Variants in PALS1 observed in about 807,000 individuals in gnomAD.
The protein encoded by PALS1 is protein PALS1.
Under a neutral mutation model 78.9 loss-of-function variants are expected in PALS1, and 31 were observed. That is an observed-to-expected ratio of 0.39 (90% CI 0.30 to 0.53). The LOEUF (loss-of-function observed/expected upper bound fraction) is 0.53, where lower values mean the gene tolerates loss of function less well. PALS1 is among the 20% of genes least tolerant of loss of function. PALS1 has a pLI of 0.67. For synonymous variants in PALS1, 276 were observed against 270.9 expected, an observed-to-expected ratio of 1.02 and a Z score of -0.18; for missense variants, 704 against 826.5, an observed-to-expected ratio of 0.85 and a Z score of 1.82.
At chr14:67,315,385 TTC>T (rs1315481988) in intron 9 of PALS1, among the ~76,000 whole-genome samples, 1 of 150,974 alleles carries the variant, frequency 6.6e-6, no homozygotes, top group Non-Finnish European at 1.5e-5. Flanking sequence ...CATGCCCTTC[TTC>T]TCTCTCAGTC....
At chr14:67,296,303 A>G (rs2084847497) in intron 4 of PALS1, among the ~76,000 whole-genome samples, 2 of 152,140 alleles carry the variant, frequency 1.3e-5, no homozygotes. Flanking sequence ...CTTAATGTTA[A>G]AAGATGGTGT....
chr14:67,245,691 C>T (rs1041546434), intron 1 of PALS1, among the ~76,000 whole-genome samples: 4 of 152,010 alleles, frequency 2.6e-5, no homozygotes, highest in South Asian at 2.1e-4. Flanking sequence ...AAGTGATTTA[C>T]GAAGGTTTTC....
intron 1 of PALS1, among the ~76,000 whole-genome samples, chr14:67,260,631 A>G (rs1448217392): frequency 6.6e-6 from 1 of 152,210 alleles, no homozygotes; most frequent in Non-Finnish European, 1.5e-5. Flanking sequence ...GAAAATCTTA[A>G]CAGATAAAAA....
intron 1 of PALS1, among the ~76,000 whole-genome samples, chr14:67,243,502 T>C (rs1203742450): frequency 3.4e-5 from 5 of 147,146 alleles, no homozygotes; most frequent in African/African-American, 1.3e-4. Context: ...TTTTTTTTTT[T>C]TTTTTTTTGA....
At chr14:67,318,950 C>T (rs1476993350) in intron 11 of PALS1, among the ~76,000 whole-genome samples, 3 of 151,536 alleles carry the variant, frequency 2.0e-5, no homozygotes, top group Non-Finnish European at 2.9e-5. Context: ...CCCAGCTATT[C>T]GGGAGGCTGA....
chr14:67,327,107 G>A (rs962657090), intron 14 of PALS1, among the ~76,000 whole-genome samples: 3 of 152,130 alleles, frequency 2.0e-5, no homozygotes, highest in African/African-American at 7.2e-5. Context: ...CCCGGGAGGT[G>A]GAGGTTGCAG....
At chr14:67,325,848 G>A (rs112378327) in intron 14 of PALS1, among the ~76,000 whole-genome samples, 5 of 149,642 alleles carry the variant, frequency 3.3e-5, no homozygotes, top group African/African-American at 1.2e-4. Context: ...TTACTCTGTC[G>A]CCCAGGCTGG....
intron 1 of PALS1, among the ~76,000 whole-genome samples, chr14:67,245,547 C>T (rs1014123683): frequency 1.3e-5 from 2 of 151,994 alleles, no homozygotes; most frequent in Non-Finnish European, 2.9e-5. Context: ...GATGGGGTCT[C>T]ACTATGTTTC....
At chr14:67,255,783 G>A (rs941295494) in intron 1 of PALS1, among the ~76,000 whole-genome samples, 3 of 152,160 alleles carry the variant, frequency 2.0e-5, no homozygotes, top group African/African-American at 7.2e-5. Context: ...ACCCACCGGG[G>A]TTCAAACAAT....
At position 67,323,777 on chromosome 14, in the gene PALS1, C is replaced by T. The variant is rs916092716; in HGVS notation, c.1816C>T (p.Arg606Trp). The T allele has an allele frequency of 1.4e-5, 23 of 1,598,368 alleles. No homozygotes were observed. Among genetic ancestry groups the T allele is most frequent in the East Asian group, 2.3e-5 (1 of 43,448 alleles). Residue 606 changes from arginine (R) to tryptophan (W), a missense_variant, in exon 14 of 15, where the codon CGG (arginine) becomes TGG (tryptophan). Arg to Trp is a moderately radical substitution (Grantham distance 101). Coordinates refer to ENST00000261681, the MANE Select transcript of PALS1 (RefSeq NM_022474.4). ...TGCACCCCCTTCACAAGAAAGACTT[C>T]GGGCATTATTGGCCAAAGAAGGCAA... ...FIAPPSQERL[R>W]ALLAKEGKNP...
intron 1 of PALS1, among the ~76,000 whole-genome samples, chr14:67,252,665 C>T (rs1261120564): frequency 6.6e-6 from 1 of 151,994 alleles, no homozygotes; most frequent in Non-Finnish European, 1.5e-5. Flanking sequence ...AGTCGGTGTC[C>T]AGAGAATTGG....
chr14:67,248,781 T>C (rs1231798409), intron 1 of PALS1, among the ~76,000 whole-genome samples: 1 of 152,186 alleles, frequency 6.6e-6, no homozygotes, highest in Non-Finnish European at 1.5e-5. Flanking sequence ...AAATAAGGTG[T>C]GCCTGATTTG....
At chr14:67,316,440 T>C (rs1365526870) in intron 9 of PALS1, among the ~76,000 whole-genome samples, 1 of 152,184 alleles carries the variant, frequency 6.6e-6, no homozygotes. Flanking sequence ...AATGCGCACA[T>C]GTTGTTTTGG....
chr14:67,309,473 T>G (rs2085056103), intron 8 of PALS1, among the ~76,000 whole-genome samples: 1 of 152,212 alleles, frequency 6.6e-6, no homozygotes, highest in Admixed American at 6.5e-5. Context: ...TTAGGGTATA[T>G]TTTAGATGGG....
At chr14:67,271,976 C>G (rs2084414122) in intron 2 of PALS1, 1 of 150,354 alleles carries the variant, frequency 6.7e-6, no homozygotes, top group African/African-American at 2.5e-5. Context: ...GAGGCTGAGG[C>G]AAGAGAATCG....
intron 4 of PALS1, among the ~76,000 whole-genome samples, chr14:67,298,373 G>T (rs990614996): frequency 6.6e-6 from 1 of 151,994 alleles, no homozygotes; most frequent in African/African-American, 2.4e-5. Flanking sequence ...AAACTAGTTG[G>T]GTGTGGTGGC....
chr14:67,306,413 T>C (rs1465871168), intron 8 of PALS1, among the ~76,000 whole-genome samples: 1 of 152,104 alleles, frequency 6.6e-6, no homozygotes, highest in African/African-American at 2.4e-5. Context: ...GGTGCGATCT[T>C]GGCTCACTGT....
Position 67,263,628 on chromosome 14 carries a change from G to T in PALS1, c.-236-6073G>T, listed in dbSNP as rs547289351. Reference sequence around the variant, plus strand: ...TCTGTTCTGATGTCATACAGACTTGGTGTGTGTTTTGGCTCTACCACTTAG... The same window carrying T: ...TCTGTTCTGATGTCATACAGACTTGTTGTGTGTTTTGGCTCTACCACTTAG... On this transcript the variant is annotated intron_variant, in intron 1 of 14. Transcript: ENST00000261681. 1.0e-3 allele frequency among the ~76,000 whole-genome samples: 154 copies of T among 152,262 alleles called. 1 individual carries two copies. The highest frequency in any genetic ancestry group is 1.8e-3 in the Non-Finnish European group (122 of 68,018).
At chr14:67,255,821 G>A (rs2140470558) in intron 1 of PALS1, among the ~76,000 whole-genome samples, 1 of 152,314 alleles carries the variant, frequency 6.6e-6, no homozygotes, top group African/African-American at 2.4e-5. Flanking sequence ...CCTAGTAGCT[G>A]GGATTGCAGG....
Sources: allele counts gnomAD v4.1 joint callset (sites outside exome capture counted in the v4.1 genomes callset), GRCh38; gene constraint gnomAD v4.1.1; transcripts MANE v1.5; gene names NCBI Gene and HGNC (gene_info 2026-07-23, HGNC 2026-07-21).